Variants in DYNC1H1 observed in about 807,000 individuals in gnomAD.
DYNC1H1 encodes cytoplasmic dynein 1 heavy chain 1.
In DYNC1H1, 51 loss-of-function variants were observed where a neutral mutation model predicts 527.1. The ratio of observed to expected loss-of-function variants is 0.10; its 90% confidence interval spans 0.08 to 0.12. The LOEUF (loss-of-function observed/expected upper bound fraction) is 0.12, where lower values mean the gene tolerates loss of function less well. Ranked by LOEUF, DYNC1H1 falls within the 10% of genes least tolerant of loss-of-function variation. The pLI is 1.00. For missense variants in DYNC1H1, 2,771 were observed against 5,971.8 expected (o/e 0.46, Z 17.66); for synonymous variants, 2,189 against 2,278.8 (o/e 0.96, Z 1.12).
intron 11 of DYNC1H1, among the ~76,000 whole-genome samples, chr14:101,992,347 T>C (rs2048007244): frequency 6.6e-6 from 1 of 152,234 alleles, no homozygotes; most frequent in Non-Finnish European, 1.5e-5. Context: ...ATCGTGGTGA[T>C]GTTTCACCTA....
intron 2 of DYNC1H1, among the ~76,000 whole-genome samples, chr14:101,978,017 G>A (rs1201099059): frequency 1.3e-5 from 2 of 152,202 alleles, no homozygotes; most frequent in Non-Finnish European, 2.9e-5. Flanking sequence ...CTCCTGAATA[G>A]TTGGGATTAC....
At position 101,986,824 on chromosome 14, in the gene DYNC1H1, TC is replaced by T; in HGVS notation, c.2538+62del. The T allele has an allele frequency of 1.3e-6, 2 of 1,591,624 alleles. No individual in the cohort carries two copies. The highest frequency in any genetic ancestry group is 2.2e-5 in the South Asian group (2 of 90,272). On this transcript the variant is annotated intron_variant, in intron 8 of 77. Transcript: ENST00000360184. This position sits in a 1 kb window ranked among gnomAD's most constrained non-coding sequence, Gnocchi z 8.7. The stretch of plus-strand genomic sequence containing the variant: ...CGAATGAAGCACAGTAATAGCGAGC[TC>T]AGTTAAAACACTAGTTCTCCCGAAG...
At chr14:101,971,972 T>G (rs2047743821) in intron 1 of DYNC1H1, among the ~76,000 whole-genome samples, 1 of 152,216 alleles carries the variant, frequency 6.6e-6, no homozygotes, top group Non-Finnish European at 1.5e-5. Flanking sequence ...GCCCAGTACT[T>G]TGATTCTTTG....
rs2048184757 is a variant in DYNC1H1 at position 102,005,307 on chromosome 14, A to G, written c.5433+71A>G. 11 of 1,593,924 alleles carry G rather than the reference A, an allele frequency of 6.9e-6. No homozygotes were observed. In the East Asian group the frequency reaches 8.9e-5, roughly 13 times the overall value. On this transcript the variant is annotated intron_variant, in intron 26 of 77. Transcript: ENST00000360184. The surrounding 1 kb of genome is among the most constrained non-coding windows in gnomAD (Gnocchi z 4.0). Reference sequence around the variant, plus strand: ...CCCTCAACCACACAGTTAAATGGAAATCATGCTTGAAAAAGGTTTCAGGTA... The same window carrying G: ...CCCTCAACCACACAGTTAAATGGAAGTCATGCTTGAAAAAGGTTTCAGGTA...
chr14:102,009,637 G>A, intron 29 of DYNC1H1: 1 of 671,140 alleles, frequency 1.5e-6, no homozygotes, highest in Non-Finnish European at 2.5e-6. Context: ...ACGTGCACAT[G>A]AGGTACATGG....
Position 101,981,526 on chromosome 14 carries a change from C to T in DYNC1H1, c.961+976C>T, listed in dbSNP as rs149205839. 2.0e-3 allele frequency among the ~76,000 whole-genome samples: 311 copies of T among 152,308 alleles called. 1 individual carries two copies. The highest frequency in any genetic ancestry group is 2.9e-3 in the Non-Finnish European group (194 of 68,028). The stretch of plus-strand genomic sequence containing the variant: ...TGTTTGAACACGAGGCATTATTAGG[C>T]ATTTCTGTTCAACTCTGTGCTCACA... On this transcript the variant is annotated intron_variant, in intron 5 of 77. Transcript: ENST00000360184.
In DYNC1H1 at chr14:102,050,431, G is replaced by A; in HGVS notation, c.13813-4G>A. ...GCCACCAGTAAACCCCTCTGCTTCTGCAGGTAACCTTACCTGTCTACCTGA... is the reference window on the plus strand; with the variant it reads ...GCCACCAGTAAACCCCTCTGCTTCTACAGGTAACCTTACCTGTCTACCTGA... On this transcript the variant is annotated splice_polypyrimidine_tract_variant and splice_region_variant and intron_variant, in intron 77 of 77. Transcript: ENST00000360184. 1 of 1,614,180 alleles carries A rather than the reference G, an allele frequency of 6.2e-7. No individual in the cohort carries two copies. The highest frequency in any genetic ancestry group is 1.7e-5 in the Admixed American group (1 of 60,020).
chr14:102,044,491 G>A lies in DYNC1H1; in HGVS notation c.12902G>A (p.Arg4301Lys). The A allele has an allele frequency of 6.2e-7, 1 of 1,614,200 alleles. No homozygotes were observed. The highest frequency in any genetic ancestry group is 8.5e-7 in the Non-Finnish European group (1 of 1,180,048). ...GACATTCAAATGCCAGATGGCATCAGGTATGCTGCTGCCTGCTGGAATGGA... is the reference window on the plus strand; with the variant it reads ...GACATTCAAATGCCAGATGGCATCAAGTATGCTGCTGCCTGCTGGAATGGA... ...HKDIQMPDGIRREEFVQWVEL... is the reference protein window; with the variant it reads ...HKDIQMPDGIKREEFVQWVEL... The change falls in exon 71 of 78, where the codon AGG (arginine) becomes AAG (lysine). Residue 4301 changes from arginine (R) to lysine (K), a missense_variant and splice_region_variant. Arg to Lys is a conservative substitution (Grantham distance 26). Transcript: ENST00000360184. This position sits in a 1 kb window ranked among gnomAD's most constrained non-coding sequence, Gnocchi z 7.1.
chr14:101,995,012 T>C lies in DYNC1H1; in HGVS notation c.3360T>C (p.Tyr1120=). ...TACAATCTAAGGTGAACTTGAAATA[T>C]GACTCTTGGCATAAGGAGGTTCTTA... ...GKVQSKVNLK[Y]DSWHKEVLSK... is the part of the protein sequence containing the mutation. Residue 1120 remains tyrosine (Y), a synonymous_variant, in exon 14 of 78, where the codon TAT becomes TAC. Coordinates refer to ENST00000360184, the MANE Select transcript of DYNC1H1 (RefSeq NM_001376.5). The C allele has an allele frequency of 6.2e-7, 1 of 1,614,238 alleles. No homozygotes were observed. The highest frequency in any genetic ancestry group is 8.5e-7 in the Non-Finnish European group (1 of 1,180,036).
chr14:102,007,955 G>A (rs569579930), intron 28 of DYNC1H1, among the ~76,000 whole-genome samples: 8 of 152,154 alleles, frequency 5.3e-5, no homozygotes, highest in East Asian at 1.9e-4. Context: ...CAGGGAGAGC[G>A]CTCTGGTTCC....
rs745852574 is a variant in DYNC1H1, at chr14:102,000,060, C to T, written c.3876C>T (p.Asp1292=). 5.6e-6 allele frequency: 9 copies of T among 1,613,990 alleles called. No homozygotes were observed. The highest frequency in any genetic ancestry group is 1.1e-5 in the South Asian group (1 of 91,088). The change falls in exon 17 of 78, where the codon GAC becomes GAT. Residue 1292 remains aspartate, a synonymous_variant. Coordinates refer to ENST00000360184, the MANE Select transcript of DYNC1H1 (RefSeq NM_001376.5). ...AGGGGAAGTTTGGTAGGCTGAAGGA[C>T]GACAGAGAGAAGTGTGCAAAGGCCA... ...IYEGKFGRLK[D]DREKCAKAKE...
rs1567025279 is a variant in DYNC1H1, at chr14:102,047,975, C to T, written c.13165C>T (p.His4389Tyr). ...GCACACCACCGCGTCCAACTGGCTGCACCTCATCCCCCAGACGCTGAGCCA... is the reference window on the plus strand; with the variant it reads ...GCACACCACCGCGTCCAACTGGCTGTACCTCATCCCCCAGACGCTGAGCCA... ...TLHTTASNWL[H>Y]LIPQTLSHLK... The change falls in exon 73 of 78, where the codon CAC (histidine) becomes TAC (tyrosine). Residue 4389 changes from histidine (H) to tyrosine (Y), a missense_variant. By Grantham distance (83) the His-to-Tyr change is moderately conservative. Coordinates refer to ENST00000360184, the MANE Select transcript of DYNC1H1 (RefSeq NM_001376.5). 1.2e-6 allele frequency: 2 copies of T among 1,612,730 alleles called. No individual in the cohort carries two copies. Among genetic ancestry groups the T allele is most frequent in the African/African-American group, 1.3e-5 (1 of 75,018 alleles).
Position 102,049,236 on chromosome 14 carries a change from G to A in DYNC1H1, c.13373-204G>A, listed in dbSNP as rs1358754943. On this transcript the variant is annotated intron_variant, in intron 74 of 77. Coordinates refer to ENST00000360184, the MANE Select transcript of DYNC1H1 (RefSeq NM_001376.5). The surrounding 1 kb of genome is among the most constrained non-coding windows in gnomAD (Gnocchi z 5.5). Reference sequence around the variant, plus strand: ...GACCCTAGAAACTGCACGGTTCTGAGACATGCTCTGGACCAGCCTGAGCTA... The same window carrying A: ...GACCCTAGAAACTGCACGGTTCTGAAACATGCTCTGGACCAGCCTGAGCTA... 5.8e-6 allele frequency: 4 copies of A among 687,892 alleles called. No homozygotes were observed. Among genetic ancestry groups the A allele is most frequent in the Non-Finnish European group, 1.0e-5 (4 of 396,632 alleles). The allele number at this position is 687,892 out of a possible 1,614,324, so 42.6% of individuals were successfully genotyped here. A position where few individuals can be genotyped will look rare whatever the true frequency, so the allele number is the denominator to read the frequency against.
At chr14:101,978,418 T>C (rs2047826727) in intron 2 of DYNC1H1, among the ~76,000 whole-genome samples, 1 of 152,072 alleles carries the variant, frequency 6.6e-6, no homozygotes, top group South Asian at 2.1e-4. Flanking sequence ...AGGGATCTAC[T>C]CACCTTAGCC....
intron 42 of DYNC1H1, 96 bp from the exon 43 acceptor site, chr14:102,022,655 T>G: frequency 1.3e-6 from 2 of 1,575,686 alleles, no homozygotes; most frequent in Non-Finnish European, 1.7e-6. Context: ...GACTGCATCC[T>G]TTGGAAGAGC....
intron 51 of DYNC1H1, among the ~76,000 whole-genome samples, chr14:102,031,744 C>T (rs991421158): frequency 2.0e-5 from 3 of 152,094 alleles, no homozygotes; most frequent in South Asian, 4.1e-4. Context: ...CACCTGAGGT[C>T]GGGAGTTCAA....
Position 102,017,167 on chromosome 14 carries a change from G to A in DYNC1H1, c.7928G>A (p.Arg2643His). 1.2e-6 allele frequency: 2 copies of A among 1,614,224 alleles called. No homozygotes were observed. Among genetic ancestry groups the A allele is most frequent in the Non-Finnish European group, 8.5e-7 (1 of 1,180,038 alleles). Residue 2643 changes from arginine (R) to histidine (H), a missense_variant, in exon 39 of 78, where the codon CGC (arginine) becomes CAC (histidine). Arg to His is a conservative substitution (Grantham distance 29). This residue lies in a region of DYNC1H1 where 163 missense variants were observed against 346.9 expected (regional missense o/e 0.47). Transcript: ENST00000360184. This position sits in a 1 kb window ranked among gnomAD's most constrained non-coding sequence, Gnocchi z 4.6. ...KTFDHYCEYR[R>H]TPNGVVLAPV... ...TTTGATCACTACTGCGAGTACAGGC[G>A]CACACCTAATGGGGTGGTTTTGGCT... is the stretch of plus-strand genomic sequence containing the variant.
chr14:101,997,181 A>T lies in DYNC1H1; in HGVS notation c.3711A>T (p.Ala1237=), dbSNP rs2048072114. The T allele has an allele frequency of 6.2e-7, 1 of 1,614,170 alleles. No homozygotes were observed. Among genetic ancestry groups the T allele is most frequent in the African/African-American group, 1.3e-5 (1 of 75,046 alleles). ...RKDSAIQQQV[A]NLQMKIVQED... ...ACTCTGCCATTCAGCAGCAGGTGGC[A>T]AACCTGCAAATGAAGATTGTCCAGG... Residue 1237 remains alanine, a synonymous_variant, in exon 16 of 78, where the codon GCA becomes GCT. Transcript: ENST00000360184. This position sits in a 1 kb window ranked among gnomAD's most constrained non-coding sequence, Gnocchi z 4.8.
chr14:102,008,728 T>C lies in DYNC1H1; in HGVS notation c.5977+391T>C, dbSNP rs200570857. Among the ~76,000 whole-genome samples, 8 of 152,186 alleles carry C rather than the reference T, an allele frequency of 5.3e-5. No homozygotes were observed. The East Asian group carries it at 1.5e-3, about 29-fold the overall frequency. The stretch of plus-strand genomic sequence containing the variant: ...CCTTGAACCCAGGAGGCAGAGGTTG[T>C]AGTGAACTGAGATCATGCCACTGCA... On this transcript the variant is annotated intron_variant, in intron 29 of 77. Transcript: ENST00000360184.
Sources: gnomAD v4.1 joint callset for allele counts (sites outside exome capture counted in the v4.1 genomes callset) on GRCh38, gnomAD v4.1.1 for gene constraint, gnomAD v4.1.1 regional missense constraint, Gnocchi (gnomAD v3.1) non-coding constraint, MANE v1.5 for transcripts, NCBI Gene and HGNC (gene_info 2026-07-23, HGNC 2026-07-21) for gene names.